The following NMNAT2 variants were observed in gnomAD, a reference collection of about 807,000 sequenced individuals.
NMNAT2 encodes nicotinamide/nicotinic acid mononucleotide adenylyltransferase 2.
A neutral mutation model predicts 41.6 loss-of-function variants in NMNAT2; 11 were observed. The observed-to-expected ratio is 0.26, with a 90% CI of 0.17 to 0.44. The LOEUF is 0.44. Among genes scored for constraint, NMNAT2 ranks in the 20% least tolerant of loss-of-function variants. The pLI, the probability that NMNAT2 is intolerant of heterozygous loss-of-function variation, is 1.00. For synonymous variants in NMNAT2, 148 were observed against 151.2 expected (o/e 0.98, Z 0.16); for missense variants, 288 against 407.7 (o/e 0.71, Z 2.53).
intron 1 of NMNAT2, among the ~76,000 whole-genome samples, chr1:183,392,416 G>A (rs1648510427): frequency 6.6e-6 from 1 of 152,192 alleles, no homozygotes; most frequent in Non-Finnish European, 1.5e-5. Context: ...ATTACACGCA[G>A]TAACTTCCTA....
At chr1:183,389,799 A>AAGGAGGGAG (rs1648397068) in intron 1 of NMNAT2, among the ~76,000 whole-genome samples, 1 of 79,566 alleles carries the variant, frequency 1.3e-5, no homozygotes, top group Non-Finnish European at 2.8e-5. Flanking sequence ...AAAGAAAGAA[A>AAGGAGGGAG]GAAAGAAAGA....
At chr1:183,356,868 C>T (rs573003387) in intron 1 of NMNAT2, among the ~76,000 whole-genome samples, 87 of 152,300 alleles carry the variant, frequency 5.7e-4, no homozygotes, top group Non-Finnish European at 3.7e-4. Context: ...AGAATCAGGT[C>T]TACCGTTAGA....
At chr1:183,381,291 C>T (rs1034437993) in intron 1 of NMNAT2, among the ~76,000 whole-genome samples, 10 of 152,228 alleles carry the variant, frequency 6.6e-5, no homozygotes, top group African/African-American at 2.2e-4. Context: ...CAATCAAAAA[C>T]CAACCTCTAT....
At chr1:183,292,999 G>C in intron 2 of NMNAT2, 142 bp from the exon 3 acceptor site, 1 of 777,252 alleles carries the variant, frequency 1.3e-6, no homozygotes, top group South Asian at 1.6e-5. Context: ...CCCTTTACTT[G>C]TCCGTTTGCC....
chr1:183,294,890 G>A (rs1021774557), intron 1 of NMNAT2, among the ~76,000 whole-genome samples: 3 of 152,224 alleles, frequency 2.0e-5, no homozygotes, highest in African/African-American at 7.2e-5. Flanking sequence ...TTTTTAAGTA[G>A]AAGGCGGCCT....
chr1:183,261,184 G>A lies in NMNAT2; in HGVS notation c.753+18C>T. 1 of 1,611,272 alleles carries A rather than the reference G, an allele frequency of 6.2e-7. No individual in the cohort carries two copies. Among genetic ancestry groups the A allele is most frequent in the Non-Finnish European group, 8.5e-7 (1 of 1,177,384 alleles). On this transcript the variant is annotated intron_variant, in intron 9 of 10. Transcript: ENST00000287713. ...GAAGGGCCATAACACAGATGCACTAGCAGGATGGAGGACTCACTTTGTATT... is the reference window on the plus strand; with the variant it reads ...GAAGGGCCATAACACAGATGCACTAACAGGATGGAGGACTCACTTTGTATT...
At chr1:183,315,024 A>C (rs1005915377) in intron 1 of NMNAT2, among the ~76,000 whole-genome samples, 2 of 152,224 alleles carry the variant, frequency 1.3e-5, no homozygotes, top group Middle Eastern at 6.3e-3. Flanking sequence ...AGTTTTGCGA[A>C]AGTACGTTTC....
chr1:183,323,316 G>A (rs1662391389), intron 1 of NMNAT2, among the ~76,000 whole-genome samples: 1 of 152,102 alleles, frequency 6.6e-6, no homozygotes, highest in South Asian at 2.1e-4. Flanking sequence ...CTAGAACCCA[G>A]CTGCTGAAGC....
chr1:183,348,595 GCCT>G (rs1344983236), intron 1 of NMNAT2, among the ~76,000 whole-genome samples: 1 of 152,184 alleles, frequency 6.6e-6, no homozygotes, highest in Non-Finnish European at 1.5e-5. Flanking sequence ...CATCAGACCA[GCCT>G]TGCAGCCCAG....
intron 1 of NMNAT2, among the ~76,000 whole-genome samples, chr1:183,388,328 A>C (rs1648321843): frequency 6.6e-6 from 1 of 152,250 alleles, no homozygotes; most frequent in African/African-American, 2.4e-5. Context: ...GCAGGGATGT[A>C]GCAAACTGGG....
rs1660398096 is a variant in NMNAT2 at position 183,251,979 on chromosome 1, C to G, written c.*662G>C. The G allele has an allele frequency of 6.5e-6, 1 of 154,954 alleles. No individual in the cohort carries two copies. The highest frequency in any genetic ancestry group is 1.4e-5 in the Non-Finnish European group (1 of 70,102). The allele number at this position is 154,954 out of a possible 1,614,324, so 9.6% of individuals were successfully genotyped here. ...TGTGGTGCTGAAGAAGTGGAGGTTG[C>G]TTGGCCTTCTCTACTGGGTGTGGCC... On this transcript the variant is annotated 3_prime_UTR_variant, in exon 11 of 11. Coordinates refer to ENST00000287713, the MANE Select transcript of NMNAT2 (RefSeq NM_015039.4).
chr1:183,270,482 G>T (rs1197429577), intron 8 of NMNAT2, among the ~76,000 whole-genome samples: 1 of 151,852 alleles, frequency 6.6e-6, no homozygotes, highest in Non-Finnish European at 1.5e-5. Flanking sequence ...AAACCAGTAA[G>T]GTCAGAGTCC....
chr1:183,317,373 G>A (rs1468536656), intron 1 of NMNAT2, among the ~76,000 whole-genome samples: 6 of 152,122 alleles, frequency 3.9e-5, no homozygotes, highest in Admixed American at 6.6e-5. Flanking sequence ...GGGCTCAAGC[G>A]ATCCTCTTGC....
intron 6 of NMNAT2, among the ~76,000 whole-genome samples, chr1:183,284,243 G>A (rs763404168): frequency 5.9e-5 from 9 of 152,236 alleles, no homozygotes; most frequent in Non-Finnish European, 1.0e-4. Flanking sequence ...TCCAGGAGCA[G>A]CACTTCACAT....
intron 1 of NMNAT2, among the ~76,000 whole-genome samples, chr1:183,415,497 T>A (rs1022097561): frequency 5.9e-5 from 9 of 152,174 alleles, no homozygotes; most frequent in African/African-American, 2.2e-4. Flanking sequence ...GTTCATGGAA[T>A]TATGCAGTCA....
At chr1:183,283,974 C>T (rs1161472626) in intron 7 of NMNAT2, 21 bp downstream of exon 7, 1 of 1,613,590 alleles carries the variant, frequency 6.2e-7, no homozygotes, top group Non-Finnish European at 8.5e-7. Context: ...CCATTTTCCG[C>T]ACTTTCGCAG....
chr1:183,294,662 C>T (rs115872210), intron 1 of NMNAT2, among the ~76,000 whole-genome samples: 12,969 of 152,128 alleles, frequency 0.085, 764 homozygotes, highest in Middle Eastern at 0.14. Flanking sequence ...CGGTGGCAGG[C>T]GCCTGTAATC....
chr1:183,361,962 GAGTT>G (rs1354428898), intron 1 of NMNAT2, among the ~76,000 whole-genome samples: 4 of 152,278 alleles, frequency 2.6e-5, no homozygotes, highest in African/African-American at 9.6e-5. Flanking sequence ...ATTTGAGATG[GAGTT>G]TCGCTCTTTT....
chr1:183,261,320 AG>A lies in NMNAT2; in HGVS notation c.652-18del. The A allele has an allele frequency of 6.2e-7, 1 of 1,605,900 alleles. No homozygotes were observed. Among genetic ancestry groups the A allele is most frequent in the South Asian group, 1.1e-5 (1 of 90,848 alleles). On this transcript the variant is annotated intron_variant, in intron 8 of 10. Transcript: ENST00000287713. Reference sequence around the variant, plus strand: ...CACCTCCATCTAAAGAAACAGAGAGAGGGCCCTTTGGTGAAACCCTGATCCC... The same window carrying A: ...CACCTCCATCTAAAGAAACAGAGAGAGGCCCTTTGGTGAAACCCTGATCCC...
Sources: allele counts gnomAD v4.1 joint callset (sites outside exome capture counted in the v4.1 genomes callset), GRCh38; gene constraint gnomAD v4.1.1; transcripts MANE v1.5; gene names NCBI Gene and HGNC (gene_info 2026-07-23, HGNC 2026-07-21).